The following TCP11L1 variants were observed in gnomAD, a reference collection of about 807,000 sequenced individuals.
The protein encoded by TCP11L1 is t-complex 11 like 1, also known as T-complex protein 11-like protein 1.
A neutral mutation model predicts 48.9 loss-of-function variants in TCP11L1; 28 were observed. The observed-to-expected ratio is 0.57, with a 90% CI of 0.42 to 0.78. The LOEUF is 0.78. TCP11L1 is among the 30% of genes least tolerant of loss of function. The pLI is 0.00. For synonymous variants in TCP11L1, 204 were observed against 231.9 expected (o/e 0.88, Z 1.09); for missense variants, 505 against 613.4 (o/e 0.82, Z 1.87).
At chr11:33,060,092 G>T (rs932655919) in intron 6 of TCP11L1, among the ~76,000 whole-genome samples, 9 of 152,128 alleles carry the variant, frequency 5.9e-5, no homozygotes, top group African/African-American at 1.9e-4. Context: ...GTACTGGGAA[G>T]AGTTTTTTCT....
Position 33,065,936 on chromosome 11 carries a change from G to A in TCP11L1, c.1079G>A (p.Gly360Glu), listed in dbSNP as rs1854604290. Reference sequence around the variant, plus strand: ...GTCACCTTCAGCATGGCAGCGCCAGGAATTTCCAGCCAGGCCGACTTTGCT... The same window carrying A: ...GTCACCTTCAGCATGGCAGCGCCAGAAATTTCCAGCCAGGCCGACTTTGCT... ...LLVTFSMAAP[G>E]ISSQADFAEK... Residue 360 changes from glycine to glutamate, a missense_variant, in exon 8 of 10, where the codon GGA becomes GAA. Transcript: ENST00000334274. 1 of 1,614,112 alleles carries A rather than the reference G, an allele frequency of 6.2e-7. No individual in the cohort carries two copies. The highest frequency in any genetic ancestry group is 8.5e-7 in the Non-Finnish European group (1 of 1,180,036).
At chr11:33,050,709 A>C (rs1854134463) in intron 2 of TCP11L1, among the ~76,000 whole-genome samples, 1 of 152,170 alleles carries the variant, frequency 6.6e-6, no homozygotes. Flanking sequence ...TACATTTTAA[A>C]TTTTGATAAA....
chr11:33,051,152 G>C (rs919216772), intron 2 of TCP11L1, among the ~76,000 whole-genome samples: 1 of 151,980 alleles, frequency 6.6e-6, no homozygotes, highest in Admixed American at 6.6e-5. Flanking sequence ...TCATTTGAGA[G>C]AAGGATCTAG....
intron 5 of TCP11L1, among the ~76,000 whole-genome samples, chr11:33,058,509 T>C (rs758275864): frequency 2.0e-5 from 3 of 150,832 alleles, no homozygotes; most frequent in Non-Finnish European, 4.4e-5. Context: ...AGAACTATTT[T>C]CAATTTAAAC....
chr11:33,071,789 G>A (rs1269886823), intron 9 of TCP11L1, among the ~76,000 whole-genome samples: 3 of 152,092 alleles, frequency 2.0e-5, no homozygotes, highest in Admixed American at 6.6e-5. Flanking sequence ...GTTGCTCCTC[G>A]GAGAGCAGAG....
At chr11:33,056,211 G>C (rs935268298) in intron 3 of TCP11L1, among the ~76,000 whole-genome samples, 1 of 152,134 alleles carries the variant, frequency 6.6e-6, no homozygotes, top group Non-Finnish European at 1.5e-5. Flanking sequence ...CTAGGTTCAA[G>C]CAATTCTCCT....
chr11:33,058,201 C>CT (rs747311201), intron 5 of TCP11L1, 62 bp downstream of exon 5: 37,996 of 1,194,142 alleles, frequency 0.032, 52 homozygotes, highest in Middle Eastern at 0.046. Context: ...TCTTTTTTTT[C>CT]TTTTCTTTTT....
chr11:33,070,738 C>T (rs1170458256), intron 9 of TCP11L1, among the ~76,000 whole-genome samples: 2 of 149,268 alleles, frequency 1.3e-5, no homozygotes, highest in African/African-American at 2.5e-5. Context: ...TGTGATGACT[C>T]ATGCCTGTAA....
At chr11:33,058,478 G>A (rs1423849653) in intron 5 of TCP11L1, among the ~76,000 whole-genome samples, 7 of 151,308 alleles carry the variant, frequency 4.6e-5, no homozygotes, top group African/African-American at 9.7e-5. Flanking sequence ...GATTACAGGC[G>A]TGAGCCACTG....
chr11:33,053,101 C>CT (rs141556465), intron 2 of TCP11L1, among the ~76,000 whole-genome samples: 11,522 of 151,330 alleles, frequency 0.076, 659 homozygotes, highest in East Asian at 0.28. Context: ...AGTCCTCCCT[C>CT]TGACTCCATG....
At chr11:33,061,323 G>A (rs1005469057) in intron 6 of TCP11L1, among the ~76,000 whole-genome samples, 1 of 152,114 alleles carries the variant, frequency 6.6e-6, no homozygotes, top group African/African-American at 2.4e-5. Flanking sequence ...CCTATATCAG[G>A]CATCTGAAAC....
At chr11:33,059,277 GAA>G (rs1298861592) in intron 6 of TCP11L1, among the ~76,000 whole-genome samples, 182 bp downstream of exon 6, 1 of 152,176 alleles carries the variant, frequency 6.6e-6, no homozygotes, top group Non-Finnish European at 1.5e-5. Context: ...GCATTGAAAA[GAA>G]AACTTAATTC....
chr11:33,071,180 T>C (rs2133752851), intron 9 of TCP11L1, among the ~76,000 whole-genome samples: 1 of 152,086 alleles, frequency 6.6e-6, no homozygotes, highest in Middle Eastern at 3.4e-3. Flanking sequence ...CTGGGCATGG[T>C]GGCATGCGCC....
At chr11:33,060,453 C>G (rs190716899) in intron 6 of TCP11L1, among the ~76,000 whole-genome samples, 136 of 152,202 alleles carry the variant, frequency 8.9e-4, no homozygotes, top group African/African-American at 3.2e-3. Flanking sequence ...ATCCCCCTGC[C>G]CCAGTGAAGA....
At chr11:33,066,137 T>C in intron 8 of TCP11L1, 126 bp downstream of exon 8, 1 of 1,261,020 alleles carries the variant, frequency 7.9e-7, no homozygotes, top group East Asian at 2.4e-5. Context: ...AGAAGAAACC[T>C]TGCTGTCTCA....
intron 1 of TCP11L1, among the ~76,000 whole-genome samples, chr11:33,043,169 A>T (rs576783719): frequency 3.9e-5 from 6 of 152,170 alleles, no homozygotes; most frequent in Non-Finnish European, 8.8e-5. Flanking sequence ...TAGCAGGCGG[A>T]GGATGCAGTT....
intron 8 of TCP11L1, among the ~76,000 whole-genome samples, chr11:33,067,770 G>T (rs904379532): frequency 6.6e-6 from 1 of 152,150 alleles, no homozygotes; most frequent in African/African-American, 2.4e-5. Context: ...AACAGAGGCA[G>T]TTACCTTCTC....
At chr11:33,055,819 T>G (rs1428759241) in intron 3 of TCP11L1, among the ~76,000 whole-genome samples, 1 of 152,184 alleles carries the variant, frequency 6.6e-6, no homozygotes, top group African/African-American at 2.4e-5. Flanking sequence ...TTTTTATTGT[T>G]GTTGTTGTTG....
At chr11:33,050,480 A>C (rs547680212) in intron 2 of TCP11L1, among the ~76,000 whole-genome samples, 7 of 152,266 alleles carry the variant, frequency 4.6e-5, no homozygotes, top group African/African-American at 1.7e-4. Flanking sequence ...CTGATAACAG[A>C]AATAATTTAA....
Sources: gnomAD v4.1 joint callset for allele counts (sites outside exome capture counted in the v4.1 genomes callset) on GRCh38, gnomAD v4.1.1 for gene constraint, MANE v1.5 for transcripts, NCBI Gene and HGNC (gene_info 2026-07-23, HGNC 2026-07-21) for gene names.